The following HECTD4 variants were observed in gnomAD, a reference collection of about 807,000 sequenced individuals.
HECTD4 encodes HECT domain E3 ubiquitin protein ligase 4.
HECTD4 carries 114 observed loss-of-function variants against 471.5 expected under a neutral mutation model. The observed-to-expected ratio is 0.24, with a 90% CI of 0.21 to 0.28. The LOEUF (loss-of-function observed/expected upper bound fraction) is 0.28. HECTD4 is among the 10% of genes least tolerant of loss of function. HECTD4 has a pLI of 1.00. For missense variants in HECTD4, 3,866 were observed against 5,651.5 expected (o/e 0.68, Z 10.13); for synonymous variants, 2,012 against 2,256.0 (o/e 0.89, Z 3.07).
intron 28 of HECTD4, 100 bp downstream of exon 28, chr12:112,247,362 T>A (rs1379519287): frequency 1.4e-6 from 1 of 724,958 alleles, no homozygotes; most frequent in East Asian, 3.0e-5. Context: ...TTTAGTAAAT[T>A]CACAACATTT....
chr12:112,186,824 C>T (rs1457272516), intron 60 of HECTD4, among the ~76,000 whole-genome samples: 1 of 151,426 alleles, frequency 6.6e-6, no homozygotes, highest in Non-Finnish European at 1.5e-5. Context: ...TGTGCCACCA[C>T]ACCCAGCTAA....
At chr12:112,299,357 T>C (rs2035116091) in intron 7 of HECTD4, among the ~76,000 whole-genome samples, 1 of 152,168 alleles carries the variant, frequency 6.6e-6, no homozygotes, top group African/African-American at 2.4e-5. Context: ...ACCTCACATC[T>C]GTAATCCCAA....
chr12:112,279,183 G>A (rs370701934), intron 9 of HECTD4, 45 bp downstream of exon 9: 10 of 1,533,434 alleles, frequency 6.5e-6, no homozygotes, highest in Non-Finnish European at 8.9e-6. Context: ...AAATTTCAGA[G>A]TTTGAGATAA....
chr12:112,175,149 C>A (rs2031388851), intron 66 of HECTD4, among the ~76,000 whole-genome samples: 1 of 152,224 alleles, frequency 6.6e-6, no homozygotes, highest in Non-Finnish European at 1.5e-5. Context: ...TGGGACTGAA[C>A]TGTGTCCTCC....
chr12:112,245,903 G>A (rs543253342), intron 29 of HECTD4, among the ~76,000 whole-genome samples: 1 of 152,082 alleles, frequency 6.6e-6, no homozygotes, highest in Non-Finnish European at 1.5e-5. Flanking sequence ...AGGCTGAGGT[G>A]GGCAGATCAC....
intron 1 of HECTD4, among the ~76,000 whole-genome samples, chr12:112,329,746 T>C (rs1447298754): frequency 6.6e-6 from 1 of 152,174 alleles, no homozygotes; most frequent in Non-Finnish European, 1.5e-5. Context: ...ACAAAATCAT[T>C]TTTTCATCAA....
chr12:112,367,316 AAGAAAG>A (rs2036582691), intron 1 of HECTD4, among the ~76,000 whole-genome samples: 1 of 125,278 alleles, frequency 8.0e-6, no homozygotes, highest in Admixed American at 7.5e-5. Context: ...AAAAGAAAGA[AAGAAAG>A]AAAGAAAGAA....
intron 44 of HECTD4, among the ~76,000 whole-genome samples, chr12:112,222,107 A>G (rs1408786359): frequency 6.6e-6 from 1 of 152,066 alleles, no homozygotes; most frequent in Non-Finnish European, 1.5e-5. Flanking sequence ...TATTTTTAGT[A>G]GAGACGGGGT....
intron 1 of HECTD4, among the ~76,000 whole-genome samples, chr12:112,333,145 G>A (rs1461987259): frequency 1.3e-5 from 2 of 151,994 alleles, no homozygotes; most frequent in South Asian, 4.1e-4. Flanking sequence ...CGGCTATTAC[G>A]AATAATGCTG....
intron 1 of HECTD4, among the ~76,000 whole-genome samples, chr12:112,379,655 C>G (rs893215315): frequency 1.3e-5 from 2 of 151,912 alleles, no homozygotes; most frequent in Admixed American, 6.6e-5. Context: ...GATGGAGCCA[C>G]TGCACTCTAG....
chr12:112,208,728 A>G, intron 50 of HECTD4, 98 bp from the exon 51 acceptor site: 2 of 1,114,616 alleles, frequency 1.8e-6, no homozygotes, highest in Non-Finnish European at 2.4e-6. Context: ...CTTAATTTGC[A>G]TGATAGGAAG....
chr12:112,210,402 T>C (rs2032727565), intron 49 of HECTD4, 150 bp from the exon 50 acceptor site: 24 of 741,348 alleles, frequency 3.2e-5, no homozygotes, highest in Admixed American at 1.0e-4. Flanking sequence ...CTGGAGGGAC[T>C]GAGCACACCT....
intron 17 of HECTD4, chr12:112,262,230 G>C (rs2034161411): frequency 6.6e-6 from 1 of 152,098 alleles, no homozygotes; most frequent in South Asian, 2.1e-4. Flanking sequence ...CTAAGGCTAG[G>C]CCGGGCACGG....
chr12:112,190,898 C>T lies in HECTD4; in HGVS notation c.9360G>A (p.Met3120Ile). Reference protein sequence around the residue: ...HSLPLEFPLAMAFAEQLLSWK... With the variant: ...HSLPLEFPLAIAFAEQLLSWK... Reference sequence around the variant, plus strand: ...AGGACAGCAGCTGCTCTGCGAAGGCCATAGCCAGTGGGAACTCCAGGGGCA... The same window carrying T: ...AGGACAGCAGCTGCTCTGCGAAGGCTATAGCCAGTGGGAACTCCAGGGGCA... The change falls in exon 60 of 76, where the codon ATG becomes ATA. Residue 3120 changes from methionine (M) to isoleucine (I), a missense_variant. By Grantham distance (10) the Met-to-Ile change is conservative. Coordinates refer to ENST00000682272, the MANE Select transcript of HECTD4 (RefSeq NM_001388303.1). The T allele has an allele frequency of 6.4e-7, 1 of 1,573,776 alleles. No homozygotes were observed. The highest frequency in any genetic ancestry group is 8.6e-7 in the Non-Finnish European group (1 of 1,159,790).
At chr12:112,177,710 G>A (rs1161663988) in intron 64 of HECTD4, among the ~76,000 whole-genome samples, 1 of 152,176 alleles carries the variant, frequency 6.6e-6, no homozygotes, top group Non-Finnish European at 1.5e-5. Flanking sequence ...AAGGAATGGG[G>A]AATTCTTTTT....
At chr12:112,256,843 C>G (rs1350494686) in intron 20 of HECTD4, 1 of 162,342 alleles carries the variant, frequency 6.2e-6, no homozygotes, top group African/African-American at 2.5e-5. Flanking sequence ...CTGATCAATT[C>G]TCATTTAAAG....
At chr12:112,170,923 C>G (rs1394103651) in intron 68 of HECTD4, 194 bp downstream of exon 68, 2 of 539,576 alleles carry the variant, frequency 3.7e-6, no homozygotes, top group Non-Finnish European at 6.5e-6. Context: ...GAGCATGTTA[C>G]TTTTATAATT....
intron 47 of HECTD4, among the ~76,000 whole-genome samples, 160 bp from the exon 48 acceptor site, chr12:112,216,531 A>G (rs748526118): frequency 3.9e-5 from 6 of 152,176 alleles, no homozygotes; most frequent in Admixed American, 1.3e-4. Flanking sequence ...ATATTTCCCA[A>G]ACTGTATTCC....
Position 112,248,302 on chromosome 12 carries a change from C to G in HECTD4, c.4143+18G>C. On this transcript the variant is annotated intron_variant, in intron 26 of 75. Coordinates refer to ENST00000682272, the MANE Select transcript of HECTD4 (RefSeq NM_001388303.1). ...TTTCCATAAAAGAAATTGTTTCCAA[C>G]AGTTATCAGACATTTACCTGCAGCT... is the stretch of plus-strand genomic sequence containing the variant. 1 of 1,562,892 alleles carries G rather than the reference C, an allele frequency of 6.4e-7. No individual in the cohort carries two copies. The highest frequency in any genetic ancestry group is 8.7e-7 in the Non-Finnish European group (1 of 1,151,378).
Sources: allele counts gnomAD v4.1 joint callset (sites outside exome capture counted in the v4.1 genomes callset), GRCh38; gene constraint gnomAD v4.1.1; transcripts MANE v1.5; gene names NCBI Gene and HGNC (gene_info 2026-07-23, HGNC 2026-07-21).